THSD4: variants seen among roughly 807,000 people sequenced by gnomAD.
The protein encoded by THSD4 is thrombospondin type-1 domain-containing protein 4.
A neutral mutation model predicts 119.0 loss-of-function variants in THSD4; 69 were observed. That is an observed-to-expected ratio of 0.58 (90% confidence interval 0.48 to 0.71). THSD4 has a LOEUF of 0.71. Among genes scored for constraint, THSD4 ranks in the 30% least tolerant of loss-of-function variants. The probability of loss-of-function intolerance (pLI) is 0.00; values close to 1 mark genes in which losing one functional copy is unlikely to be tolerated. For missense variants in THSD4, 1,393 were observed against 1,391.1 expected, an observed-to-expected ratio of 1.00 and a Z score of -0.02; for synonymous variants, 524 against 540.4, an observed-to-expected ratio of 0.97 and a Z score of 0.42.
intron 6 of THSD4, among the ~76,000 whole-genome samples, chr15:71,383,548 A>C (rs2046253466): frequency 6.6e-6 from 1 of 152,194 alleles, no homozygotes. Flanking sequence ...AAATGACTGG[A>C]TCCTTCCTCT....
At position 71,098,189 on chromosome 15, in the gene THSD4, CTTTTT is replaced by C. The variant is rs55726832; in HGVS notation, c.-80+1203_-80+1207del. Reference sequence around the variant, plus strand: ...TAACTTTCCAATAAAAATTCTTTCACTTTTTTTTTTTTTTTTTTTTTTTTGGGGGG... The same window carrying C: ...TAACTTTCCAATAAAAATTCTTTCACTTTTTTTTTTTTTTTTTTTGGGGGG... On this transcript the variant is annotated intron_variant, in intron 1 of 17. Coordinates refer to the THSD4 transcript ENST00000355327. 4.7e-4 allele frequency among the ~76,000 whole-genome samples: 39 copies of C among 83,250 alleles called. No homozygotes were observed. In the Middle Eastern group the frequency reaches 0.03, roughly 65 times the overall value. The allele number at this position is 83,250 out of a possible 152,430, so 54.6% of individuals were successfully genotyped here. A position where few individuals can be genotyped will look rare whatever the true frequency, so the allele number is the denominator to read the frequency against.
At chr15:71,518,297 G>A (rs2048389919) in intron 7 of THSD4, among the ~76,000 whole-genome samples, 1 of 151,922 alleles carries the variant, frequency 6.6e-6, no homozygotes, top group Admixed American at 6.6e-5. Flanking sequence ...TGATACCTTG[G>A]AAATTTTTAT....
chr15:71,159,346 G>A (rs1396895844), intron 3 of THSD4, among the ~76,000 whole-genome samples: 2 of 152,060 alleles, frequency 1.3e-5, no homozygotes, highest in African/African-American at 4.8e-5. Flanking sequence ...TTCAATTTCT[G>A]TGACTAATGT....
chr15:71,377,906 A>C (rs111905211), intron 6 of THSD4, among the ~76,000 whole-genome samples: 60 of 66,362 alleles, frequency 9.0e-4, no homozygotes, highest in Middle Eastern at 7.0e-3. Flanking sequence ...ACACACACAC[A>C]CACACACAAT....
At chr15:71,370,607 A>C (rs572861559) in intron 6 of THSD4, among the ~76,000 whole-genome samples, 9 of 152,198 alleles carry the variant, frequency 5.9e-5, no homozygotes, top group South Asian at 2.1e-4. Context: ...TGAGTTTCTT[A>C]ATCCTGAGTT....
intron 6 of THSD4, among the ~76,000 whole-genome samples, chr15:71,383,843 A>G (rs1310568716): frequency 1.3e-5 from 2 of 152,248 alleles, no homozygotes; most frequent in Non-Finnish European, 2.9e-5. Flanking sequence ...TAATGTAGAA[A>G]TGATTTCAAG....
chr15:71,665,152 A>T (rs1265011722), intron 8 of THSD4, among the ~76,000 whole-genome samples: 3 of 152,174 alleles, frequency 2.0e-5, no homozygotes, highest in Admixed American at 6.6e-5. Context: ...CCTCGCCAGC[A>T]TCTGTTCTTT....
intron 6 of THSD4, among the ~76,000 whole-genome samples, chr15:71,263,331 G>GTGTATATATATATA (rs1555458973): frequency 2.2e-5 from 3 of 138,842 alleles, no homozygotes; most frequent in Non-Finnish European, 3.1e-5. Context: ...GTATTCCATG[G>GTGTATATATATATA]TATATATATA....
chr15:71,218,077 A>G (rs2043948926), intron 4 of THSD4, among the ~76,000 whole-genome samples: 1 of 152,158 alleles, frequency 6.6e-6, no homozygotes, highest in Non-Finnish European at 1.5e-5. Flanking sequence ...TGGCCTCCCC[A>G]GGCACTGTTC....
intron 8 of THSD4, among the ~76,000 whole-genome samples, chr15:71,668,509 G>A (rs2051459486): frequency 6.6e-6 from 1 of 152,094 alleles, no homozygotes; most frequent in South Asian, 2.1e-4. Flanking sequence ...GGGGAAAGAA[G>A]TGAAAAAACC....
intron 7 of THSD4, among the ~76,000 whole-genome samples, chr15:71,526,070 A>AT (rs1480135891): frequency 2.6e-5 from 4 of 152,224 alleles, no homozygotes; most frequent in Non-Finnish European, 5.9e-5. Flanking sequence ...TCACTGACCC[A>AT]TCACTATTTC....
chr15:71,774,616 G>A (rs1329634433), intron 17 of THSD4, among the ~76,000 whole-genome samples: 1 of 151,956 alleles, frequency 6.6e-6, no homozygotes, highest in African/African-American at 2.4e-5. Flanking sequence ...TTTCAAAAAT[G>A]TACAGGGGCA....
chr15:71,690,795 A>G (rs903953159), intron 8 of THSD4, among the ~76,000 whole-genome samples: 2 of 152,192 alleles, frequency 1.3e-5, no homozygotes, highest in Admixed American at 1.3e-4. Flanking sequence ...AGATCTTGTG[A>G]GACTTATTCA....
chr15:71,368,914 G>T lies in THSD4; in HGVS notation c.1016-42773G>T, dbSNP rs546339665. On this transcript the variant is annotated intron_variant, in intron 6 of 17. Coordinates refer to ENST00000261862, the MANE Select transcript of THSD4 (RefSeq NM_024817.3). ...TCACAATATTGATTCTTCCTATCCA[G>T]GAGCATGGAATGTTCTTCCATTTGT... Among the ~76,000 whole-genome samples, 239 of 152,254 alleles carry T rather than the reference G, an allele frequency of 1.6e-3. 2 individuals carry two copies. In the South Asian group the frequency reaches 0.019, roughly 12 times the overall value.
At chr15:71,566,480 G>T (rs1489035798) in intron 7 of THSD4, among the ~76,000 whole-genome samples, 1 of 152,120 alleles carries the variant, frequency 6.6e-6, no homozygotes, top group South Asian at 2.1e-4. Context: ...TGTGGGGGTA[G>T]ACAGATAACT....
At chr15:71,714,982 A>G (rs931958957) in intron 8 of THSD4, among the ~76,000 whole-genome samples, 7 of 152,200 alleles carry the variant, frequency 4.6e-5, no homozygotes, top group African/African-American at 1.7e-4. Flanking sequence ...TGGGTGGACA[A>G]GCTGCCATCA....
chr15:71,437,611 C>A (rs753874752), intron 7 of THSD4, among the ~76,000 whole-genome samples: 2 of 152,184 alleles, frequency 1.3e-5, no homozygotes, highest in Non-Finnish European at 2.9e-5. Context: ...GTGCTTACTT[C>A]AGTCCAGCAT....
At chr15:71,546,208 G>A (rs1247460070) in intron 7 of THSD4, among the ~76,000 whole-genome samples, 1 of 152,084 alleles carries the variant, frequency 6.6e-6, no homozygotes, top group African/African-American at 2.4e-5. Context: ...TACAACTGGA[G>A]TTTAACCCAC....
intron 3 of THSD4, chr15:71,186,610 G>A (rs2043606657): frequency 6.6e-6 from 1 of 152,260 alleles, no homozygotes; most frequent in Non-Finnish European, 1.5e-5. Flanking sequence ...AGTCTTCCAA[G>A]CTGGACTTCA....
Sources: gnomAD v4.1 joint callset for allele counts (sites outside exome capture counted in the v4.1 genomes callset) on GRCh38, gnomAD v4.1.1 for gene constraint, MANE v1.5 for transcripts, NCBI Gene and HGNC (gene_info 2026-07-23, HGNC 2026-07-21) for gene names.